MME: variants seen among roughly 807,000 people sequenced by gnomAD.
The protein encoded by MME is neprilysin.
MME carries 98 observed loss-of-function variants against 113.2 expected under a neutral mutation model. The ratio of observed to expected loss-of-function variants is 0.87; its 90% CI spans 0.74 to 1.02. The LOEUF (loss-of-function observed/expected upper bound fraction) is 1.02, where lower values mean the gene tolerates loss of function less well. Ranked by LOEUF, MME falls within the 50% of genes least tolerant of loss-of-function variation. The pLI is 0.00. For missense variants in MME, 836 were observed against 896.0 expected (o/e 0.93, Z 0.86); for synonymous variants, 292 against 300.6 (o/e 0.97, Z 0.30).
intron 3 of MME, chr3:155,085,339 C>T (rs1473741288): frequency 1.2e-5 from 4 of 320,914 alleles, no homozygotes; most frequent in Admixed American, 4.6e-5. Flanking sequence ...AAAACTATAT[C>T]GCTATTTGTA....
chr3:155,118,256 C>G (rs566826234), intron 7 of MME, among the ~76,000 whole-genome samples: 1 of 152,258 alleles, frequency 6.6e-6, no homozygotes, highest in East Asian at 1.9e-4. Context: ...TCCACTTCTC[C>G]CCTTCTCCCC....
chr3:155,122,333 G>A (rs1402033292), intron 8 of MME, among the ~76,000 whole-genome samples: 19 of 147,752 alleles, frequency 1.3e-4, no homozygotes, highest in Middle Eastern at 3.5e-3. Context: ...TCTTACTAGC[G>A]GTCTATCAAT....
At chr3:155,039,959 G>T (rs778831576) in intron 1 of MME, among the ~76,000 whole-genome samples, 1 of 152,108 alleles carries the variant, frequency 6.6e-6, no homozygotes, top group Non-Finnish European at 1.5e-5. Flanking sequence ...AAATGAGCAT[G>T]TAAAAAATAA....
At chr3:155,132,703 C>T (rs941999994) in intron 8 of MME, among the ~76,000 whole-genome samples, 3 of 151,918 alleles carry the variant, frequency 2.0e-5, no homozygotes, top group African/African-American at 7.3e-5. Context: ...CACACACACA[C>T]AAAATTAAAT....
intron 1 of MME, among the ~76,000 whole-genome samples, chr3:155,050,603 A>G (rs1430889501): frequency 6.6e-6 from 1 of 152,052 alleles, no homozygotes; most frequent in Non-Finnish European, 1.5e-5. Flanking sequence ...ATTTTTTCAT[A>G]TGCTTCTTGG....
chr3:155,064,597 A>G (rs1409656221), intron 1 of MME, among the ~76,000 whole-genome samples: 5 of 152,194 alleles, frequency 3.3e-5, no homozygotes, highest in African/African-American at 1.2e-4. Context: ...TATGTTGATG[A>G]GACTCTTCTG....
intron 22 of MME, 57 bp downstream of exon 22, chr3:155,172,669 A>G (rs913507983): frequency 6.2e-6 from 8 of 1,286,304 alleles, no homozygotes; most frequent in Non-Finnish European, 9.1e-6. Flanking sequence ...TTGCTTCCAC[A>G]TTTGGAATTT....
At chr3:155,107,996 G>C (rs1375515414) in intron 3 of MME, among the ~76,000 whole-genome samples, 1 of 152,182 alleles carries the variant, frequency 6.6e-6, no homozygotes, top group Non-Finnish European at 1.5e-5. Flanking sequence ...CAGTTATAGT[G>C]CTGTTGGTGT....
chr3:155,032,470 T>A (rs1204809094), intron 1 of MME, among the ~76,000 whole-genome samples: 1 of 152,204 alleles, frequency 6.6e-6, no homozygotes, highest in Non-Finnish European at 1.5e-5. Flanking sequence ...AAATAACCAA[T>A]GAAACTCCTA....
chr3:155,054,021 G>T (rs1713847519), intron 1 of MME, among the ~76,000 whole-genome samples: 1 of 152,178 alleles, frequency 6.6e-6, no homozygotes, highest in Non-Finnish European at 1.5e-5. Flanking sequence ...CACAGATGGA[G>T]AGGATTGCTA....
chr3:155,084,423 A>G, intron 2 of MME, 96 bp downstream of exon 2: 1 of 1,265,544 alleles, frequency 7.9e-7, no homozygotes, highest in Non-Finnish European at 1.2e-6. Flanking sequence ...TGTTAAGGAT[A>G]GAGGCACTTA....
At chr3:155,167,624 C>T (rs1723201621) in intron 18 of MME, among the ~76,000 whole-genome samples, 1 of 152,066 alleles carries the variant, frequency 6.6e-6, no homozygotes, top group South Asian at 2.1e-4. Flanking sequence ...ATTTCATTCA[C>T]AAATGGAAAG....
intron 3 of MME, among the ~76,000 whole-genome samples, chr3:155,108,797 G>T (rs1283353666): frequency 6.6e-6 from 1 of 152,018 alleles, no homozygotes; most frequent in Non-Finnish European, 1.5e-5. Context: ...AGCCTCCAGG[G>T]AATGCACATA....
At chr3:155,085,248 T>A (rs543353908) in intron 3 of MME, 154 bp downstream of exon 3, 2 of 529,348 alleles carry the variant, frequency 3.8e-6, no homozygotes, top group African/African-American at 3.9e-5. Context: ...AAAAATATAT[T>A]TAAGTAGTAG....
intron 3 of MME, among the ~76,000 whole-genome samples, chr3:155,086,693 G>A (rs1040368774): frequency 1.3e-5 from 2 of 152,160 alleles, no homozygotes; most frequent in Non-Finnish European, 2.9e-5. Context: ...CACAATATTT[G>A]TGTCCTTTAA....
At chr3:155,100,242 G>T (rs1366526767) in intron 3 of MME, among the ~76,000 whole-genome samples, 1 of 152,142 alleles carries the variant, frequency 6.6e-6, no homozygotes, top group African/African-American at 2.4e-5. Flanking sequence ...GTGGGCAAAG[G>T]ATATGAACAG....
At chr3:155,049,035 T>C (rs1284989431) in intron 1 of MME, among the ~76,000 whole-genome samples, 1 of 152,128 alleles carries the variant, frequency 6.6e-6, no homozygotes, top group Admixed American at 6.6e-5. Flanking sequence ...AGCCCTGAAA[T>C]CTCCCATTTT....
chr3:155,133,872 C>T (rs189471676), intron 8 of MME, among the ~76,000 whole-genome samples: 1 of 148,758 alleles, frequency 6.7e-6, no homozygotes, highest in East Asian at 2.0e-4. Context: ...ATTCGAACTA[C>T]CATTTTGTTT....
chr3:155,138,084 G>T lies in MME; in HGVS notation c.721-18G>T. 6.2e-7 allele frequency: 1 copy of T among 1,613,252 alleles called. No individual in the cohort carries two copies. The highest frequency in any genetic ancestry group is 8.5e-7 in the Non-Finnish European group (1 of 1,179,426). The stretch of plus-strand genomic sequence containing the variant: ...TTTAGAGCTACTCCAACAGTTTAGT[G>T]CTATTTTTTTCTTGCAGGCTTGTAC... On this transcript the variant is annotated intron_variant, in intron 8 of 22. Transcript: ENST00000360490.
Sources: gnomAD v4.1 joint callset for allele counts (sites outside exome capture counted in the v4.1 genomes callset) on GRCh38, gnomAD v4.1.1 for gene constraint, MANE v1.5 for transcripts, NCBI Gene and HGNC (gene_info 2026-07-23, HGNC 2026-07-21) for gene names.